The following PATL1 variants were observed in gnomAD, a reference collection of about 807,000 sequenced individuals.
The protein encoded by PATL1 is PAT1 homolog 1, processing body mRNA decay factor.
A neutral mutation model predicts 100.6 loss-of-function variants in PATL1; 32 were observed. The ratio of observed to expected loss-of-function variants is 0.32; its 90% CI spans 0.24 to 0.43. PATL1 has a LOEUF of 0.43. PATL1 is among the 20% of genes least tolerant of loss of function. PATL1 has a pLI of 1.00. For synonymous variants in PATL1, 332 were observed against 330.0 expected, an observed-to-expected ratio of 1.01 and a Z score of -0.07; for missense variants, 747 against 949.9, an observed-to-expected ratio of 0.79 and a Z score of 2.81.
intron 12 of PATL1, 95 bp from the exon 13 acceptor site, chr11:59,650,908 G>A (rs1031751010): frequency 1.2e-6 from 1 of 847,220 alleles, no homozygotes; most frequent in Admixed American, 2.9e-5. Flanking sequence ...ACAATACTTT[G>A]AGAAGATAAT....
chr11:59,668,376 G>C (rs945590271), intron 1 of PATL1, among the ~76,000 whole-genome samples: 1 of 152,128 alleles, frequency 6.6e-6, no homozygotes, highest in Non-Finnish European at 1.5e-5. Context: ...TTTAGTAAAC[G>C]GGCTGGGGCC....
At chr11:59,668,296 C>A (rs1331631738) in intron 1 of PATL1, among the ~76,000 whole-genome samples, 2 of 152,186 alleles carry the variant, frequency 1.3e-5, no homozygotes, top group Non-Finnish European at 2.9e-5. Flanking sequence ...CTTCTCCAAA[C>A]CCGCGTCTCC....
At chr11:59,667,437 A>G (rs1861706744) in intron 1 of PATL1, among the ~76,000 whole-genome samples, 1 of 152,064 alleles carries the variant, frequency 6.6e-6, no homozygotes, top group Non-Finnish European at 1.5e-5. Flanking sequence ...TTCATTTTCC[A>G]TCTTTCTTAT....
intron 13 of PATL1, among the ~76,000 whole-genome samples, chr11:59,649,981 C>T (rs764557966): frequency 2.0e-5 from 3 of 152,016 alleles, no homozygotes; most frequent in Non-Finnish European, 2.9e-5. Context: ...ATTAGCCAGG[C>T]ATAGTGGCAC....
At chr11:59,661,255 T>C (rs1861621276) in intron 2 of PATL1, among the ~76,000 whole-genome samples, 1 of 152,070 alleles carries the variant, frequency 6.6e-6, no homozygotes, top group Non-Finnish European at 1.5e-5. Flanking sequence ...CAGGCTAATT[T>C]TTATATTTTT....
chr11:59,653,484 C>T (rs1283313525), intron 9 of PATL1, among the ~76,000 whole-genome samples: 3 of 152,122 alleles, frequency 2.0e-5, no homozygotes, highest in Non-Finnish European at 4.4e-5. Context: ...AGAAAAAGCC[C>T]AGCAAATACT....
At chr11:59,648,328 G>A (rs1247913132) in intron 14 of PATL1, among the ~76,000 whole-genome samples, 3 of 150,874 alleles carry the variant, frequency 2.0e-5, no homozygotes, top group Non-Finnish European at 4.4e-5. Flanking sequence ...CGGGATTATA[G>A]ATGCCCGCCA....
At position 59,659,489 on chromosome 11, in the gene PATL1, AT is replaced by A; in HGVS notation, c.128-21del. On this transcript the variant is annotated intron_variant, in intron 2 of 18. Coordinates refer to ENST00000300146, the MANE Select transcript of PATL1 (RefSeq NM_152716.3). The stretch of plus-strand genomic sequence containing the variant: ...CATCATCTATAAGATGACACAGTTC[AT>A]GTAAGAAATAGTTCATAGTGGTACA... 1 of 1,543,588 alleles carries A rather than the reference AT, an allele frequency of 6.5e-7. No individual in the cohort carries two copies. The highest frequency in any genetic ancestry group is 2.4e-5 in the East Asian group (1 of 40,886).
At chr11:59,666,723 G>C (rs1357757958) in intron 2 of PATL1, 130 bp downstream of exon 2, 9 of 971,430 alleles carry the variant, frequency 9.3e-6, no homozygotes, top group Non-Finnish European at 1.3e-5. Context: ...ATTCTAAGAT[G>C]AGGAATAGAA....
chr11:59,663,500 G>A (rs1412652633), intron 2 of PATL1, among the ~76,000 whole-genome samples: 1 of 151,974 alleles, frequency 6.6e-6, no homozygotes, highest in African/African-American at 2.4e-5. Context: ...TGTGTCTATA[G>A]TTACTTAACC....
chr11:59,657,075 C>CA (rs1861546748), intron 5 of PATL1: 2 of 984,948 alleles, frequency 2.0e-6, no homozygotes, highest in African/African-American at 3.5e-5. Context: ...ACCCTCCCCC[C>CA]ATACCTTCCA....
rs1315072352 is a variant in PATL1 at position 59,657,675 on chromosome 11, G to C, written c.476C>G (p.Pro159Arg). 6.2e-7 allele frequency: 1 copy of C among 1,613,710 alleles called. No individual in the cohort carries two copies. Among genetic ancestry groups the C allele is most frequent in the Admixed American group, 1.7e-5 (1 of 60,016 alleles). ...GTCCCGATCATCTTCTGGACCCTGG[G>C]GGGGCCTCTGAGGCAAAGCATATTC... The part of the protein sequence containing the change: ...VLEYALPQRP[P>R]QGPEDDRDLS... The change falls in exon 5 of 19, where the codon CCC becomes CGC. Residue 159 changes from proline to arginine, a missense_variant. By Grantham distance (103) the Pro-to-Arg change is moderately radical. Coordinates refer to ENST00000300146, the MANE Select transcript of PATL1 (RefSeq NM_152716.3).
chr11:59,665,040 C>T (rs1448330718), intron 2 of PATL1, among the ~76,000 whole-genome samples: 4 of 152,200 alleles, frequency 2.6e-5, no homozygotes. Context: ...CATCTCCTAA[C>T]CCATGCCTAT....
At position 59,658,911 on chromosome 11, in the gene PATL1, A is replaced by T; in HGVS notation, c.381T>A (p.Asp127Glu). The T allele has an allele frequency of 6.5e-7, 1 of 1,550,316 alleles. No homozygotes were observed. Among genetic ancestry groups the T allele is most frequent in the East Asian group, 2.4e-5 (1 of 40,886 alleles). Residue 127 changes from aspartate to glutamate, a missense_variant, in exon 4 of 19, where the codon GAT becomes GAA. By Grantham distance (45) the Asp-to-Glu change is conservative. Transcript: ENST00000300146. ...QPGSLNSSIW[D>E]GSEVLRRIRG... ...GGATTCGCCTCAGAACTTCAGATCC[A>T]TCCCAGATACTGGAATTCAGACTTC...
At chr11:59,660,585 AGGTGAGAGATTGAT>A (rs1861613461) in intron 2 of PATL1, among the ~76,000 whole-genome samples, 1 of 152,150 alleles carries the variant, frequency 6.6e-6, no homozygotes, top group South Asian at 2.1e-4. Flanking sequence ...AAAGGCCTTA[AGGTGAGAGATTGAT>A]GGTTTTGAGA....
At chr11:59,663,397 G>A (rs1313166286) in intron 2 of PATL1, among the ~76,000 whole-genome samples, 1 of 152,054 alleles carries the variant, frequency 6.6e-6, no homozygotes, top group Non-Finnish European at 1.5e-5. Flanking sequence ...ATAAAAGGGA[G>A]GTAGGAAGGA....
At chr11:59,640,724 GA>G (rs767138695) in intron 16 of PATL1, among the ~76,000 whole-genome samples, 39 of 143,140 alleles carry the variant, frequency 2.7e-4, no homozygotes, top group South Asian at 4.4e-4. Flanking sequence ...TATCTCAAAA[GA>G]AAAAAAAAAA....
chr11:59,652,035 A>G (rs1306469720), intron 11 of PATL1, among the ~76,000 whole-genome samples: 1 of 133,650 alleles, frequency 7.5e-6, no homozygotes, highest in Non-Finnish European at 1.6e-5. Flanking sequence ...AATGCACTCC[A>G]GCCTGGACAA....
chr11:59,648,966 A>G (rs902064414), intron 14 of PATL1, among the ~76,000 whole-genome samples: 1 of 152,270 alleles, frequency 6.6e-6, no homozygotes, highest in Non-Finnish European at 1.5e-5. Flanking sequence ...AACATTTAAC[A>G]TCAGCAAGAT....
Sources: gnomAD v4.1 joint callset for allele counts (sites outside exome capture counted in the v4.1 genomes callset) on GRCh38, gnomAD v4.1.1 for gene constraint, MANE v1.5 for transcripts, NCBI Gene and HGNC (gene_info 2026-07-23, HGNC 2026-07-21) for gene names.